DPYD: variants seen among roughly 807,000 people sequenced by gnomAD.
The protein encoded by DPYD is dihydropyrimidine dehydrogenase, also known as dihydropyrimidine dehydrogenase [NADP(+)].
DPYD carries 109 observed loss-of-function variants against 116.2 expected under a neutral mutation model. The ratio of observed to expected loss-of-function variants is 0.94; its 90% confidence interval spans 0.80 to 1.10. The LOEUF (loss-of-function observed/expected upper bound fraction) is 1.10, where lower values mean the gene tolerates loss of function less well. Among genes scored for constraint, DPYD ranks in the 50% least tolerant of loss-of-function variants. The probability of loss-of-function intolerance (pLI) is 0.00; values close to 1 mark genes in which losing one functional copy is unlikely to be tolerated. For synonymous variants in DPYD, 440 were observed against 432.0 expected (o/e 1.02, Z -0.23); for missense variants, 1,302 against 1,254.5 (o/e 1.04, Z -0.57).
chr1:97,269,018 G>A (rs1367620695), intron 18 of DPYD, among the ~76,000 whole-genome samples: 1 of 151,864 alleles, frequency 6.6e-6, no homozygotes, highest in Admixed American at 6.6e-5. Flanking sequence ...TCATTTTACT[G>A]TAAGCTGCCA....
At chr1:97,825,560 G>A (rs920913324) in intron 3 of DPYD, among the ~76,000 whole-genome samples, 3 of 145,482 alleles carry the variant, frequency 2.1e-5, no homozygotes, top group Non-Finnish European at 3.0e-5. Flanking sequence ...CCACAGGTGG[G>A]AATTGAACAA....
At chr1:97,132,369 T>C (rs538073571) in intron 20 of DPYD, among the ~76,000 whole-genome samples, 1 of 152,256 alleles carries the variant, frequency 6.6e-6, no homozygotes, top group Admixed American at 6.5e-5. Flanking sequence ...CACTAATCTA[T>C]TCTACCCCAC....
intron 8 of DPYD, among the ~76,000 whole-genome samples, chr1:97,666,045 TAA>T (rs940949968): frequency 2.0e-5 from 3 of 152,234 alleles, no homozygotes; most frequent in Non-Finnish European, 4.4e-5. Context: ...TCTTTTTTCT[TAA>T]GTTATCAAAA....
intron 3 of DPYD, among the ~76,000 whole-genome samples, chr1:97,778,188 A>AAG (rs72197937): frequency 5.5e-4 from 58 of 106,302 alleles, no homozygotes; most frequent in African/African-American, 1.6e-3. Flanking sequence ...GAAAGAAAGA[A>AAG]AGAGAGAGAG....
intron 12 of DPYD, among the ~76,000 whole-genome samples, chr1:97,534,000 T>C (rs1649822951): frequency 6.6e-6 from 1 of 152,170 alleles, no homozygotes; most frequent in South Asian, 2.1e-4. Context: ...GTAGTATCTA[T>C]CACCACTGAG....
intron 10 of DPYD, among the ~76,000 whole-genome samples, chr1:97,582,035 C>T (rs1653721968): frequency 6.6e-6 from 1 of 152,166 alleles, no homozygotes; most frequent in Non-Finnish European, 1.5e-5. Context: ...CAATGGAATG[C>T]TTTTGGCATG....
At chr1:97,423,541 T>C (rs1674697276) in intron 14 of DPYD, among the ~76,000 whole-genome samples, 1 of 152,128 alleles carries the variant, frequency 6.6e-6, no homozygotes, top group Non-Finnish European at 1.5e-5. Flanking sequence ...AGTACCCTGG[T>C]GACCCGAATG....
chr1:97,862,248 T>G (rs1311684857), intron 2 of DPYD, among the ~76,000 whole-genome samples: 2 of 151,890 alleles, frequency 1.3e-5, no homozygotes, highest in Non-Finnish European at 1.5e-5. Context: ...ATTTAACACT[T>G]GATAGAAACA....
chr1:97,489,076 C>G lies in DPYD; in HGVS notation c.1740+26650G>C, dbSNP rs188333183. 6.6e-3 allele frequency among the ~76,000 whole-genome samples: 1,004 copies of G among 152,330 alleles called. 9 individuals carry two copies. Among genetic ancestry groups the G allele is most frequent in the Non-Finnish European group, 8.8e-3 (601 of 68,022 alleles). On this transcript the variant is annotated intron_variant, in intron 13 of 22. Coordinates refer to ENST00000370192, the MANE Select transcript of DPYD (RefSeq NM_000110.4). ...GCCCCAATTTGGGGGCTTGCCTGACCTGCATCATCACCACTATTTGAGTAC... is the reference window on the plus strand; with the variant it reads ...GCCCCAATTTGGGGGCTTGCCTGACGTGCATCATCACCACTATTTGAGTAC...
chr1:97,557,730 A>G (rs1342760028), intron 11 of DPYD, among the ~76,000 whole-genome samples: 1 of 152,186 alleles, frequency 6.6e-6, no homozygotes, highest in Non-Finnish European at 1.5e-5. Flanking sequence ...AATCCATCCA[A>G]TGAAAATTTT....
intron 2 of DPYD, among the ~76,000 whole-genome samples, chr1:97,863,361 T>C (rs967470223): frequency 6.6e-6 from 1 of 151,960 alleles, no homozygotes; most frequent in Non-Finnish European, 1.5e-5. Flanking sequence ...AATGCCTTTC[T>C]AGAGAATAAT....
At chr1:97,496,069 T>C (rs954726268) in intron 13 of DPYD, among the ~76,000 whole-genome samples, 2 of 152,134 alleles carry the variant, frequency 1.3e-5, no homozygotes, top group African/African-American at 4.8e-5. Context: ...TCTCATCTTA[T>C]GTTCACTTCC....
chr1:97,691,456 T>C, intron 7 of DPYD: 2 of 363,338 alleles, frequency 5.5e-6, no homozygotes, highest in Non-Finnish European at 5.1e-6. Context: ...CCTAAAGCAA[T>C]TTAGGAATTT....
chr1:97,388,764 G>A (rs1326331772), intron 14 of DPYD, among the ~76,000 whole-genome samples: 2 of 152,090 alleles, frequency 1.3e-5, no homozygotes, highest in Admixed American at 6.6e-5. Context: ...AAGGCAGCCT[G>A]TACAAGATCA....
At chr1:97,518,584 G>C (rs1180758694) in intron 12 of DPYD, among the ~76,000 whole-genome samples, 1 of 152,076 alleles carries the variant, frequency 6.6e-6, no homozygotes. Context: ...CAAGGCCTTT[G>C]GATGTAGATG....
intron 2 of DPYD, among the ~76,000 whole-genome samples, chr1:97,851,370 G>A (rs1670561003): frequency 6.6e-6 from 1 of 151,334 alleles, no homozygotes; most frequent in South Asian, 2.1e-4. Context: ...TTTTATGTTA[G>A]TGTAATATGT....
intron 16 of DPYD, among the ~76,000 whole-genome samples, chr1:97,342,946 G>A (rs890532372): frequency 3.9e-5 from 6 of 151,920 alleles, no homozygotes; most frequent in African/African-American, 1.5e-4. Flanking sequence ...TTTGATCTCT[G>A]GATGAAGTCA....
chr1:97,889,427 A>T (rs1346402732), intron 1 of DPYD, among the ~76,000 whole-genome samples: 8 of 152,106 alleles, frequency 5.3e-5, no homozygotes, highest in African/African-American at 1.4e-4. Context: ...ATGGAAAATG[A>T]CATATCATGC....
chr1:97,324,904 A>T (rs1284480610), intron 16 of DPYD, among the ~76,000 whole-genome samples: 1 of 152,078 alleles, frequency 6.6e-6, no homozygotes, highest in Admixed American at 6.6e-5. Flanking sequence ...ATCTTGAGGC[A>T]CTGAAGTTAA....
Sources: gnomAD v4.1 joint callset for allele counts (sites outside exome capture counted in the v4.1 genomes callset) on GRCh38, gnomAD v4.1.1 for gene constraint, MANE v1.5 for transcripts, NCBI Gene and HGNC (gene_info 2026-07-23, HGNC 2026-07-21) for gene names.